The following PTK2 variants were observed in gnomAD, a reference collection of about 807,000 sequenced individuals.
PTK2 encodes the protein focal adhesion kinase 1.
A neutral mutation model predicts 150.1 loss-of-function variants in PTK2; 45 were observed. That is an observed-to-expected ratio of 0.30 (90% CI 0.24 to 0.38). PTK2 has a LOEUF of 0.38. Ranked by LOEUF, PTK2 falls within the 10% of genes least tolerant of loss-of-function variation. The pLI is 1.00. For synonymous variants in PTK2, 432 were observed against 449.2 expected (o/e 0.96, Z 0.48); for missense variants, 919 against 1,307.3 (o/e 0.70, Z 4.58).
chr8:140,726,909 G>A (rs2100046176), intron 22 of PTK2, among the ~76,000 whole-genome samples: 1 of 152,178 alleles, frequency 6.6e-6, no homozygotes, highest in African/African-American at 2.4e-5. Context: ...ATATGTGAAT[G>A]TAACATACAT....
At chr8:140,804,621 C>T (rs1435297339) in intron 10 of PTK2, among the ~76,000 whole-genome samples, 7 of 152,288 alleles carry the variant, frequency 4.6e-5, no homozygotes, top group Non-Finnish European at 1.0e-4. Context: ...GTGAAGATTC[C>T]TATACATTTC....
At chr8:140,955,852 T>C (rs1053247573) in intron 1 of PTK2, among the ~76,000 whole-genome samples, 1 of 152,184 alleles carries the variant, frequency 6.6e-6, no homozygotes, top group Non-Finnish European at 1.5e-5. Context: ...GGTGGAGGCA[T>C]AAAGGATGAT....
At chr8:140,796,917 A>G (rs1046405641) in intron 12 of PTK2, among the ~76,000 whole-genome samples, 19 of 152,192 alleles carry the variant, frequency 1.2e-4, no homozygotes, top group Non-Finnish European at 2.5e-4. Flanking sequence ...ATACATTAAT[A>G]GAGCTATTTT....
chr8:140,818,840 A>G, intron 9 of PTK2, 40 bp downstream of exon 9: 1 of 1,591,724 alleles, frequency 6.3e-7, no homozygotes, highest in Non-Finnish European at 8.5e-7. Flanking sequence ...GAAAAAGTAA[A>G]ATCAAACTAG....
chr8:140,793,701 C>T (rs964306229), intron 12 of PTK2, among the ~76,000 whole-genome samples: 8 of 152,230 alleles, frequency 5.3e-5, no homozygotes, highest in African/African-American at 1.9e-4. Context: ...GTCAACACTC[C>T]TTGTCAAAGG....
intron 1 of PTK2, among the ~76,000 whole-genome samples, chr8:140,970,935 T>C (rs895217904): frequency 3.3e-5 from 5 of 151,600 alleles, no homozygotes; most frequent in African/African-American, 1.2e-4. Flanking sequence ...GACTATAAGC[T>C]TTTCAATAAG....
chr8:140,930,409 CTCTT>C (rs2100171268), intron 1 of PTK2, among the ~76,000 whole-genome samples: 1 of 152,184 alleles, frequency 6.6e-6, no homozygotes, highest in African/African-American at 2.4e-5. Flanking sequence ...CTCCTGATCT[CTCTT>C]TACTTCTCAT....
At chr8:140,706,373 G>A (rs1357751901) in intron 23 of PTK2, among the ~76,000 whole-genome samples, 168 bp from the exon 27 acceptor site, 1 of 152,230 alleles carries the variant, frequency 6.6e-6, no homozygotes, top group African/African-American at 2.4e-5. Context: ...AAATGATGCT[G>A]TGGCAACTGG....
intron 2 of PTK2, among the ~76,000 whole-genome samples, chr8:140,912,678 C>T (rs2100163684): frequency 6.6e-6 from 1 of 152,028 alleles, no homozygotes; most frequent in South Asian, 2.1e-4. Flanking sequence ...AAAAGGATAT[C>T]AGCTGGGCAC....
intron 5 of PTK2, 93 bp from the exon 6 acceptor site, chr8:140,846,771 T>C: frequency 3.7e-6 from 3 of 814,862 alleles, no homozygotes; most frequent in Non-Finnish European, 5.8e-6. Flanking sequence ...ACCTTTCATA[T>C]AGTTTACATT....
chr8:140,691,329 T>G (rs2100023092), intron 26 of PTK2, among the ~76,000 whole-genome samples: 1 of 152,206 alleles, frequency 6.6e-6, no homozygotes, highest in Non-Finnish European at 1.5e-5. Flanking sequence ...AAAATCTTGG[T>G]ATAAGTTTCC....
intron 1 of PTK2, among the ~76,000 whole-genome samples, chr8:140,963,057 C>CTA (rs1030343132): frequency 1.3e-5 from 2 of 152,114 alleles, no homozygotes; most frequent in African/African-American, 4.8e-5. Flanking sequence ...GGCCCACGTG[C>CTA]TATAGTTTCC....
At chr8:140,898,154 G>GT (rs1438795503) in intron 2 of PTK2, among the ~76,000 whole-genome samples, 1 of 152,104 alleles carries the variant, frequency 6.6e-6, no homozygotes, top group Non-Finnish European at 1.5e-5. Flanking sequence ...GAAAAAAGAA[G>GT]TTTTTTTAAA....
chr8:140,866,178 A>G (rs1412928630), intron 4 of PTK2, among the ~76,000 whole-genome samples: 1 of 152,246 alleles, frequency 6.6e-6, no homozygotes, highest in Non-Finnish European at 1.5e-5. Context: ...AATGCTCAGC[A>G]AAAAGTTATC....
chr8:140,959,837 C>A (rs958424825), intron 1 of PTK2, among the ~76,000 whole-genome samples: 3 of 151,674 alleles, frequency 2.0e-5, no homozygotes, highest in Non-Finnish European at 4.4e-5. Flanking sequence ...GCCTGCCCCC[C>A]ACCACCCTCC....
At chr8:140,693,747 A>G (rs190732254) in intron 26 of PTK2, among the ~76,000 whole-genome samples, 12 of 152,114 alleles carry the variant, frequency 7.9e-5, no homozygotes, top group African/African-American at 2.9e-4. Context: ...GACCCACTGA[A>G]GTACTCAAAA....
intron 3 of PTK2, among the ~76,000 whole-genome samples, chr8:140,888,299 T>C (rs1383349708): frequency 6.6e-6 from 1 of 152,238 alleles, no homozygotes; most frequent in African/African-American, 2.4e-5. Context: ...CATTTTCAAA[T>C]GTTATAGCAT....
At chr8:140,835,741 T>A (rs1216514654) in intron 7 of PTK2, among the ~76,000 whole-genome samples, 1 of 152,188 alleles carries the variant, frequency 6.6e-6, no homozygotes, top group Non-Finnish European at 1.5e-5. Flanking sequence ...AATAATGTCA[T>A]TATTATGTAA....
intron 1 of PTK2, among the ~76,000 whole-genome samples, chr8:140,950,250 A>C (rs1184670873): frequency 6.6e-6 from 1 of 152,180 alleles, no homozygotes; most frequent in African/African-American, 2.4e-5. Context: ...CCTGCTTGCC[A>C]TGTTGTGAGC....
Sources: allele counts gnomAD v4.1 joint callset (sites outside exome capture counted in the v4.1 genomes callset), GRCh38; gene constraint gnomAD v4.1.1; transcripts MANE v1.5; gene names NCBI Gene and HGNC (gene_info 2026-07-23, HGNC 2026-07-21).